The following CYP4Z1 variants were observed in gnomAD, a reference collection of about 807,000 sequenced individuals.
The protein encoded by CYP4Z1 is cytochrome P450 family 4 subfamily Z member 1, also known as cytochrome P450 4Z1.
In CYP4Z1, 41 loss-of-function variants were observed where a neutral mutation model predicts 54.2. The observed-to-expected ratio is 0.76, with a 90% CI of 0.59 to 0.98. The LOEUF is 0.98. CYP4Z1 is among the 50% of genes least tolerant of loss of function. CYP4Z1 has a pLI of 0.00. For synonymous variants in CYP4Z1, 163 were observed against 206.2 expected (o/e 0.79, Z 1.79); for missense variants, 513 against 599.0 (o/e 0.86, Z 1.50).
chr1:47,090,269 C>G (rs1373577301), intron 6 of CYP4Z1, among the ~76,000 whole-genome samples: 2 of 152,114 alleles, frequency 1.3e-5, no homozygotes. Context: ...ATAAGCAAAA[C>G]AACCTTGACT....
intron 3 of CYP4Z1, among the ~76,000 whole-genome samples, chr1:47,081,889 G>T (rs1221032302): frequency 7.1e-6 from 1 of 141,144 alleles, no homozygotes; most frequent in Non-Finnish European, 1.5e-5. Flanking sequence ...CTTCAGTCTG[G>T]AACTTTGTGC....
At position 47,103,202 on chromosome 1, in the gene CYP4Z1, G is replaced by C. The variant is rs563200106; in HGVS notation, c.1068-2926G>C. Among the ~76,000 whole-genome samples the C allele has an allele frequency of 1.3e-4, 20 of 151,492 alleles. No individual in the cohort carries two copies. The East Asian group carries it at 2.9e-3, about 22-fold the overall frequency. Reference sequence around the variant, plus strand: ...TTCAGTTCCTTTTTTTTTTAAGAGAGAGAGTCTCACTCTGTTACCCAGGCT... The same window carrying C: ...TTCAGTTCCTTTTTTTTTTAAGAGACAGAGTCTCACTCTGTTACCCAGGCT... On this transcript the variant is annotated intron_variant, in intron 8 of 11. Transcript: ENST00000334194.
In CYP4Z1 at chr1:47,117,789, C is replaced by T. The variant is rs1297930202; in HGVS notation, c.1373C>T (p.Ala458Val). 6.2e-7 allele frequency: 1 copy of T among 1,613,104 alleles called. No individual in the cohort carries two copies. Among genetic ancestry groups the T allele is most frequent in the Non-Finnish European group, 8.5e-7 (1 of 1,179,578 alleles). ...GLRNCIGQHF[A>V]IIECKVAVAL... The stretch of plus-strand genomic sequence containing the variant: ...AGGAACTGCATTGGGCAGCATTTTG[C>T]CATAATTGAGTGTAAAGTGGCAGTG... Residue 458 changes from alanine (A) to valine (V), a missense_variant, in exon 12 of 12, where the codon GCC (alanine) becomes GTC (valine). Ala to Val is a moderately conservative substitution (Grantham distance 64, BLOSUM62 0). Transcript: ENST00000334194.
upstream of CYP4Z1, among the ~76,000 whole-genome samples, chr1:47,066,176 A>G (rs1644448934): frequency 6.6e-6 from 1 of 152,116 alleles, no homozygotes; most frequent in African/African-American, 2.4e-5. Context: ...TCCCTAAATC[A>G]CTCTGTGAAG....
At chr1:47,055,541 T>C in the CYP4Z1 span, among the ~76,000 whole-genome samples, 2 of 152,188 alleles carry the variant, frequency 1.3e-5, no homozygotes, top group African/African-American at 4.8e-5. Context: ...TGTGAATCCA[T>C]CTGGTCCTGG....
chr1:47,117,081 C>T (rs574338689), intron 11 of CYP4Z1, among the ~76,000 whole-genome samples: 2 of 152,242 alleles, frequency 1.3e-5, no homozygotes, highest in African/African-American at 2.4e-5. Context: ...AGCTCTTGTT[C>T]CTACAGAGAG....
chr1:47,110,481 T>C (rs11211452), intron 9 of CYP4Z1, among the ~76,000 whole-genome samples: 55,313 of 138,062 alleles, frequency 0.4, 12,480 homozygotes, highest in East Asian at 0.96. Context: ...CACTTTAGCC[T>C]GGGAGTTTGA....
At chr1:47,068,533 C>T (rs1404633439) in intron 1 of CYP4Z1, 89 bp from the exon 2 acceptor site, 22 of 1,525,330 alleles carry the variant, frequency 1.4e-5, no homozygotes, top group Non-Finnish European at 1.9e-5. Flanking sequence ...GTCCACAGAT[C>T]CTCAACTTAG....
Position 47,107,343 on chromosome 1 carries a change from AC to A in CYP4Z1, c.1201+1083del, listed in dbSNP as rs543258090. On this transcript the variant is annotated intron_variant, in intron 9 of 11. Coordinates refer to ENST00000334194, the MANE Select transcript of CYP4Z1 (RefSeq NM_178134.3). ...GACTCTAGAGTCTGCGCTCGTAACT[AC>A]TACACTAAAGCAACAACTTAAGCTT... is the stretch of plus-strand genomic sequence containing the variant. Among the ~76,000 whole-genome samples, 285 of 152,148 alleles carry A rather than the reference AC, an allele frequency of 1.9e-3. 1 individual carries two copies. Among genetic ancestry groups the A allele is most frequent in the African/African-American group, 6.6e-3 (275 of 41,514 alleles).
chr1:47,089,075 T>G (rs1243143996), intron 6 of CYP4Z1, among the ~76,000 whole-genome samples: 6 of 149,330 alleles, frequency 4.0e-5, no homozygotes, highest in Non-Finnish European at 7.4e-5. Flanking sequence ...TGTTTTCTAT[T>G]TAACCGATTT....
chr1:47,079,157 C>A (rs1644545850), intron 2 of CYP4Z1, among the ~76,000 whole-genome samples: 1 of 152,172 alleles, frequency 6.6e-6, no homozygotes, highest in African/African-American at 2.4e-5. Context: ...AGAACAAGGA[C>A]CATTCTGCTT....
rs141186741 is a variant in CYP4Z1 at position 47,107,486 on chromosome 1, G to C, written c.1201+1225G>C. Among the ~76,000 whole-genome samples, 713 of 151,986 alleles carry C rather than the reference G, an allele frequency of 4.7e-3. 1 individual carries two copies. Among genetic ancestry groups the C allele is most frequent in the African/African-American group, 0.016 (662 of 41,436 alleles). On this transcript the variant is annotated intron_variant, in intron 9 of 11. Coordinates refer to ENST00000334194, the MANE Select transcript of CYP4Z1 (RefSeq NM_178134.3). ...TGTTATTTTTCACATGGTATTTATTGTAATATTTATTACCTACATAATATT... is the reference window on the plus strand; with the variant it reads ...TGTTATTTTTCACATGGTATTTATTCTAATATTTATTACCTACATAATATT...
In CYP4Z1 at chr1:47,077,367, G is replaced by C. The variant is rs190483861; in HGVS notation, c.320-3256G>C. ...TTGTGTCACAATATTTTAAGGTATA[G>C]TTAACTGATAATCACCCAGCTCTCT... On this transcript the variant is annotated intron_variant, in intron 2 of 11. Coordinates refer to ENST00000334194, the MANE Select transcript of CYP4Z1 (RefSeq NM_178134.3). Among the ~76,000 whole-genome samples, 46 of 152,158 alleles carry C rather than the reference G, an allele frequency of 3.0e-4. 1 individual carries two copies. The highest frequency in any genetic ancestry group is 3.4e-3 in the Middle Eastern group (1 of 294).
chr1:47,093,699 G>T (rs1644656110), intron 6 of CYP4Z1, among the ~76,000 whole-genome samples: 1 of 152,152 alleles, frequency 6.6e-6, no homozygotes, highest in South Asian at 2.1e-4. Context: ...ACAATATGGA[G>T]ACTAAAATTT....
intron 9 of CYP4Z1, among the ~76,000 whole-genome samples, chr1:47,115,007 T>A (rs542400939): frequency 4.1e-4 from 63 of 152,336 alleles, no homozygotes; most frequent in African/African-American, 1.4e-3. Flanking sequence ...GTATGTTTAT[T>A]GTGGCACTAT....
the CYP4Z1 span, among the ~76,000 whole-genome samples, chr1:47,057,353 T>A: frequency 0.081 from 5,661 of 69,890 alleles, 753 homozygotes; most frequent in East Asian, 0.19. Flanking sequence ...TATATATATA[T>A]ATATATATAT....
chr1:47,064,139 G>A (rs1409354538), upstream of CYP4Z1, among the ~76,000 whole-genome samples: 1 of 144,824 alleles, frequency 6.9e-6, no homozygotes, highest in Middle Eastern at 3.3e-3. Context: ...CTGGAGTGCA[G>A]TGGCGCGATC....
the CYP4Z1 span, among the ~76,000 whole-genome samples, chr1:47,059,320 A>G: frequency 6.6e-6 from 1 of 152,206 alleles, no homozygotes; most frequent in Non-Finnish European, 1.5e-5. Context: ...GAAGGTTACC[A>G]TACAAATAGC....
intron 7 of CYP4Z1, among the ~76,000 whole-genome samples, chr1:47,097,758 G>A (rs1644688748): frequency 6.8e-6 from 1 of 147,702 alleles, no homozygotes; most frequent in Non-Finnish European, 1.5e-5. Context: ...TTGTTTGTTT[G>A]TTTGTTTGTT....
Sources: allele counts gnomAD v4.1 joint callset (sites outside exome capture counted in the v4.1 genomes callset), GRCh38; gene constraint gnomAD v4.1.1; transcripts MANE v1.5; gene names NCBI Gene and HGNC (gene_info 2026-07-23, HGNC 2026-07-21).